Variants in OTUD4 observed in about 807,000 individuals in gnomAD.
OTUD4 encodes the protein OTU deubiquitinase 4.
A neutral mutation model predicts 130.4 loss-of-function variants in OTUD4; 24 were observed. That is an observed-to-expected ratio of 0.18 (90% CI 0.13 to 0.26). The LOEUF (loss-of-function observed/expected upper bound fraction) is 0.26, where lower values mean the gene tolerates loss of function less well. Among genes scored for constraint, OTUD4 ranks in the 10% least tolerant of loss-of-function variants. The pLI, the probability that OTUD4 is intolerant of heterozygous loss-of-function variation, is 1.00. For synonymous variants in OTUD4, 420 were observed against 472.5 expected, an observed-to-expected ratio of 0.89 and a Z score of 1.44; for missense variants, 1,031 against 1,329.4, an observed-to-expected ratio of 0.78 and a Z score of 3.49.
intron 14 of OTUD4, among the ~76,000 whole-genome samples, chr4:145,145,196 T>C (rs1369064567): frequency 6.6e-6 from 1 of 152,188 alleles, no homozygotes; most frequent in East Asian, 1.9e-4. Context: ...AACTGAAAAA[T>C]GCATAATGGT....
chr4:145,171,858 G>A, intron 2 of OTUD4, 138 bp from the exon 3 acceptor site: 1 of 622,726 alleles, frequency 1.6e-6, no homozygotes, highest in Admixed American at 3.1e-5. Flanking sequence ...TTAAAAATAT[G>A]TACATAATCT....
intron 1 of OTUD4, 31 bp downstream of exon 1, chr4:145,179,784 C>CTCGAA: frequency 7.1e-7 from 1 of 1,417,498 alleles, no homozygotes; most frequent in South Asian, 1.3e-5. Context: ...CCCGCCTCCC[C>CTCGAA]TCGAAGCCCT....
rs1287287609 is a variant in OTUD4, at chr4:145,150,660, A to T, written c.1112T>A (p.Ile371Lys). Residue 371 changes from isoleucine to lysine, a missense_variant, in exon 13 of 21, where the codon ATA (isoleucine) becomes AAA (lysine). Physicochemically the swap from Ile to Lys is moderately radical, Grantham distance 102 (BLOSUM62 -3). Coordinates refer to ENST00000447906, the MANE Select transcript of OTUD4 (RefSeq NM_001366057.1). ...YRGPKNPSKP[I>K]KAPSALPPRL... is the part of the protein sequence containing the mutation. ...AGGAGGTAGTGCTGATGGGGCTTTT[A>T]TTGGCTTGCTTGGATTCTTTGGCCC... 1 of 1,610,848 alleles carries T rather than the reference A, an allele frequency of 6.2e-7. No individual in the cohort carries two copies. Among genetic ancestry groups the T allele is most frequent in the African/African-American group, 1.3e-5 (1 of 74,836 alleles).
intron 3 of OTUD4, among the ~76,000 whole-genome samples, chr4:145,167,178 G>A (rs989593609): frequency 1.3e-5 from 2 of 151,990 alleles, no homozygotes; most frequent in Middle Eastern, 3.4e-3. Flanking sequence ...CTGTGAAGTC[G>A]GTAAAGACTT....
In OTUD4 at chr4:145,136,646, G is replaced by C. The variant is rs759248604; in HGVS notation, c.*784C>G. On this transcript the variant is annotated 3_prime_UTR_variant, in exon 21 of 21. Transcript: ENST00000447906. The stretch of plus-strand genomic sequence containing the variant: ...AATGCATAGCATCTACATTTCTTTC[G>C]AGTAGGCACCATGATATTTACACCA... 6.6e-6 allele frequency: 1 copy of C among 151,950 alleles called. No homozygotes were observed. The highest frequency in any genetic ancestry group is 2.4e-5 in the African/African-American group (1 of 41,216). 9.4% of individuals were successfully genotyped at this position (151,950 alleles called of 1,614,324 possible). A position where few individuals can be genotyped will look rare whatever the true frequency, so the allele number is the denominator to read the frequency against.
intron 1 of OTUD4, among the ~76,000 whole-genome samples, chr4:145,175,248 A>G (rs1752361506): frequency 1.3e-5 from 2 of 152,220 alleles, no homozygotes; most frequent in Non-Finnish European, 2.9e-5. Context: ...TAAGTCCACT[A>G]TGGTTTCAGA....
intron 1 of OTUD4, chr4:145,179,592 G>A (rs999649285): frequency 1.0e-5 from 14 of 1,375,124 alleles, no homozygotes; most frequent in Non-Finnish European, 6.5e-6. Flanking sequence ...TTCATCAGGA[G>A]AGAGACACCC....
intron 16 of OTUD4, 137 bp downstream of exon 16, chr4:145,143,809 C>G: frequency 1.5e-6 from 1 of 659,826 alleles, no homozygotes; most frequent in Admixed American, 2.7e-5. Context: ...TCCCCATCAT[C>G]TTTTCCCTGC....
At chr4:145,175,024 T>C (rs1752352052) in intron 1 of OTUD4, among the ~76,000 whole-genome samples, 1 of 152,214 alleles carries the variant, frequency 6.6e-6, no homozygotes, top group South Asian at 2.1e-4. Context: ...TAGGACACTC[T>C]CTTCCCTTGG....
intron 10 of OTUD4, among the ~76,000 whole-genome samples, chr4:145,155,049 A>G (rs1751223258): frequency 6.6e-6 from 1 of 152,220 alleles, no homozygotes; most frequent in East Asian, 1.9e-4. Flanking sequence ...GATGATTTTC[A>G]TAAACAAAAC....
rs1390241739 is a variant in OTUD4 at position 145,137,049 on chromosome 4, A to G, written c.*381T>C. On this transcript the variant is annotated 3_prime_UTR_variant, in exon 21 of 21. Transcript: ENST00000447906. ...TGGTATATTTTCTTGTCACTTTAGT[A>G]AACACTATAAAGCACACATTTCCAA... 6.1e-6 allele frequency: 1 copy of G among 164,788 alleles called. No individual in the cohort carries two copies. Among genetic ancestry groups the G allele is most frequent in the African/African-American group, 2.4e-5 (1 of 41,712 alleles). The allele number at this position is 164,788 out of a possible 1,614,324, so 10.2% of individuals were successfully genotyped here. A position where few individuals can be genotyped will look rare whatever the true frequency, so the allele number is the denominator to read the frequency against.
chr4:145,164,316 G>A (rs1010144965), intron 4 of OTUD4, 90 bp from the exon 5 acceptor site: 8 of 621,610 alleles, frequency 1.3e-5, no homozygotes, highest in Admixed American at 3.0e-5. Flanking sequence ...GGCCTAATAC[G>A]TGCCAGGCAC....
chr4:145,141,610 C>A lies in OTUD4; in HGVS notation c.1852G>T (p.Val618Leu). 1 of 1,548,776 alleles carries A rather than the reference C, an allele frequency of 6.5e-7. No individual in the cohort carries two copies. The highest frequency in any genetic ancestry group is 2.0e-5 in the Admixed American group (1 of 50,260). ...GGTCCAGTGGTCAAAGTCTGTGTCA[C>A]TGACAAAACGGGAATTGGAGCAGGG... is the stretch of plus-strand genomic sequence containing the variant. The part of the protein sequence containing the change: ...GVPAPIPVLS[V>L]TQTLTTGPDS... Residue 618 changes from valine to leucine, a missense_variant, in exon 19 of 21, where the codon GTG (valine) becomes TTG (leucine). Val to Leu is a conservative substitution (Grantham distance 32, BLOSUM62 1). Around this residue, in one of 3 missense-constraint regions of OTUD4, gnomAD observed 900 missense variants for 1,095.9 expected, o/e 0.82. Transcript: ENST00000447906.
intron 18 of OTUD4, 75 bp downstream of exon 18, chr4:145,142,121 C>T (rs1750593991): frequency 7.5e-7 from 1 of 1,340,082 alleles, no homozygotes; most frequent in African/African-American, 1.4e-5. Context: ...AGAGGTCAAA[C>T]TTCCACTCAA....
At chr4:145,171,539 T>C in intron 3 of OTUD4, 131 bp downstream of exon 3, 1 of 549,654 alleles carries the variant, frequency 1.8e-6, no homozygotes, top group East Asian at 3.1e-5. Context: ...AGGAAACGTT[T>C]ATAAGGAAAT....
intron 1 of OTUD4, among the ~76,000 whole-genome samples, chr4:145,176,668 C>T (rs1361655780): frequency 1.3e-5 from 2 of 151,970 alleles, no homozygotes; most frequent in African/African-American, 4.8e-5. Context: ...CAGGGCACTC[C>T]AGCCTGAGTG....
Position 145,135,148 on chromosome 4 carries a change from C to G in OTUD4, c.*2282G>C, listed in dbSNP as rs748925448. The G allele has an allele frequency of 3.6e-6, 1 of 279,886 alleles. No homozygotes were observed. The highest frequency in any genetic ancestry group is 5.2e-5 in the Admixed American group (1 of 19,106). 17.3% of individuals were successfully genotyped at this position (279,886 alleles called of 1,614,324 possible). A position where few individuals can be genotyped will look rare whatever the true frequency, so the allele number is the denominator to read the frequency against. On this transcript the variant is annotated 3_prime_UTR_variant, in exon 21 of 21. Transcript: ENST00000447906. ...ATTTTAAAACTATCAAAAGTCAGTTCTTTTATTCCAGAGGTCACTGAGAAA... is the reference window on the plus strand; with the variant it reads ...ATTTTAAAACTATCAAAAGTCAGTTGTTTTATTCCAGAGGTCACTGAGAAA...
At chr4:145,179,594 G>A (rs1752591489) in intron 1 of OTUD4, 2 of 1,377,580 alleles carry the variant, frequency 1.5e-6, no homozygotes, top group Non-Finnish European at 1.9e-6. Context: ...CATCAGGAGA[G>A]AGACACCCCG....
Position 145,133,673 on chromosome 4 carries a change from GCA to G in OTUD4, c.*3755_*3756del, listed in dbSNP as rs1750107689. ...AATCAAGAGACAAAATTTAATATAT[GCA>G]CACAGTTTTATATATAATGCAGCAT... is the stretch of plus-strand genomic sequence containing the variant. On this transcript the variant is annotated 3_prime_UTR_variant, in exon 21 of 21. Transcript: ENST00000447906. 1 of 152,532 alleles carries G rather than the reference GCA, an allele frequency of 6.6e-6. No individual in the cohort carries two copies. The highest frequency in any genetic ancestry group is 1.5e-5 in the Non-Finnish European group (1 of 68,012). The allele number at this position is 152,532 out of a possible 1,614,324, so 9.4% of individuals were successfully genotyped here. A position where few individuals can be genotyped will look rare whatever the true frequency, so the allele number is the denominator to read the frequency against.
Sources: gnomAD v4.1 joint callset for allele counts (sites outside exome capture counted in the v4.1 genomes callset) on GRCh38, gnomAD v4.1.1 for gene constraint, gnomAD v4.1.1 regional missense constraint, MANE v1.5 for transcripts, NCBI Gene and HGNC (gene_info 2026-07-23, HGNC 2026-07-21) for gene names.